The following GHR variants were observed in gnomAD, a reference collection of about 807,000 sequenced individuals.
The protein encoded by GHR is GH receptor.
Under a neutral mutation model 67.1 loss-of-function variants are expected in GHR, and 35 were observed. The ratio of observed to expected loss-of-function variants is 0.52; its 90% CI spans 0.40 to 0.69. GHR has a LOEUF of 0.69. Ranked by LOEUF, GHR falls within the 30% of genes least tolerant of loss-of-function variation. GHR has a pLI of 0.00. For missense variants in GHR, 792 were observed against 764.6 expected (o/e 1.04, Z -0.42); for synonymous variants, 272 against 269.1 (o/e 1.01, Z -0.10).
At chr5:42,675,093 G>A (rs542034112) in intron 3 of GHR, among the ~76,000 whole-genome samples, 1 of 152,102 alleles carries the variant, frequency 6.6e-6, no homozygotes, top group Admixed American at 6.5e-5. Flanking sequence ...ACTGAATTTA[G>A]TGCTAATTGT....
chr5:42,663,508 A>AG (rs1346033211), intron 3 of GHR, among the ~76,000 whole-genome samples: 1 of 152,224 alleles, frequency 6.6e-6, no homozygotes, highest in Non-Finnish European at 1.5e-5. Flanking sequence ...TGATTATCTC[A>AG]ATAGATGCAG....
intron 1 of GHR, among the ~76,000 whole-genome samples, chr5:42,546,100 A>G (rs918704745): frequency 2.0e-5 from 3 of 152,176 alleles, no homozygotes; most frequent in Non-Finnish European, 4.4e-5. Flanking sequence ...GTGTTCAGGT[A>G]TATTTCCTTT....
At chr5:42,455,602 A>G (rs937657506) in intron 1 of GHR, among the ~76,000 whole-genome samples, 4 of 152,202 alleles carry the variant, frequency 2.6e-5, no homozygotes, top group African/African-American at 9.6e-5. Flanking sequence ...GTGATTCATT[A>G]ACCAAGTATT....
At chr5:42,463,135 G>A (rs968541719) in intron 1 of GHR, among the ~76,000 whole-genome samples, 1 of 152,070 alleles carries the variant, frequency 6.6e-6, no homozygotes, top group African/African-American at 2.4e-5. Context: ...CTATGTAATA[G>A]TGTTTTATTT....
At chr5:42,529,930 G>C (rs923506026) in intron 1 of GHR, among the ~76,000 whole-genome samples, 1 of 145,606 alleles carries the variant, frequency 6.9e-6, no homozygotes, top group East Asian at 2.1e-4. Flanking sequence ...GCACTAAAGA[G>C]AAATAGAATG....
At chr5:42,591,638 C>G (rs948506325) in intron 2 of GHR, among the ~76,000 whole-genome samples, 5 of 152,032 alleles carry the variant, frequency 3.3e-5, no homozygotes, top group African/African-American at 1.2e-4. Context: ...GAGGGTCTAC[C>G]TCCCCTGTCT....
rs185001107 is a variant in GHR, at chr5:42,544,238, C to T, written c.-11-21626C>T. On this transcript the variant is annotated intron_variant, in intron 1 of 9. Transcript: ENST00000230882. ...AGAAAGAAAAAGGGGATCCAGCAAG[C>T]GTGAGAAGACATACTTAGATAATTC... is the stretch of plus-strand genomic sequence containing the variant. Among the ~76,000 whole-genome samples, 341 of 152,174 alleles carry T rather than the reference C, an allele frequency of 2.2e-3. 1 individual carries two copies. The highest frequency in any genetic ancestry group is 8.0e-3 in the African/African-American group (331 of 41,518).
chr5:42,640,595 A>G (rs990818660), intron 3 of GHR, among the ~76,000 whole-genome samples: 19 of 152,194 alleles, frequency 1.2e-4, no homozygotes, highest in African/African-American at 4.3e-4. Flanking sequence ...ATTTTTCTGG[A>G]AGGATAAGAA....
chr5:42,626,350 G>A (rs897215114), intron 2 of GHR, among the ~76,000 whole-genome samples: 13 of 152,188 alleles, frequency 8.5e-5, no homozygotes, highest in South Asian at 4.2e-4. Context: ...CTCCCCCTCC[G>A]GTTTGATAAT....
At chr5:42,693,831 T>C (rs1207476105) in intron 4 of GHR, among the ~76,000 whole-genome samples, 1 of 152,202 alleles carries the variant, frequency 6.6e-6, no homozygotes, top group African/African-American at 2.4e-5. Flanking sequence ...ACAGATTACA[T>C]GGTTTTATGT....
Position 42,518,632 on chromosome 5 carries a change from ACTCT to A in GHR, c.-11-47223_-11-47220del, listed in dbSNP as rs545280450. Among the ~76,000 whole-genome samples, 675 of 151,650 alleles carry A rather than the reference ACTCT, an allele frequency of 4.5e-3. 4 individuals carry two copies. The highest frequency in any genetic ancestry group is 0.016 in the African/African-American group (651 of 41,372). ...TTCAGAGTTAGCGAGCATTTGGATC[ACTCT>A]CTCTCTCTGCCTCAGTATGAGTGGA... On this transcript the variant is annotated intron_variant, in intron 1 of 9. Transcript: ENST00000230882.
At chr5:42,481,027 G>A (rs996366151) in intron 1 of GHR, among the ~76,000 whole-genome samples, 56 of 151,404 alleles carry the variant, frequency 3.7e-4, no homozygotes, top group African/African-American at 1.2e-3. Flanking sequence ...GGCTGGTACC[G>A]GTTGTTCCTT....
At chr5:42,617,289 G>A (rs952390641) in intron 2 of GHR, among the ~76,000 whole-genome samples, 4 of 151,446 alleles carry the variant, frequency 2.6e-5, no homozygotes, top group Admixed American at 2.0e-4. Flanking sequence ...TTAGGGCAAG[G>A]GGCTAATAGC....
chr5:42,479,519 C>T (rs1435560179), intron 1 of GHR, among the ~76,000 whole-genome samples: 3 of 152,058 alleles, frequency 2.0e-5, no homozygotes, highest in Non-Finnish European at 4.4e-5. Context: ...TGGTCCTGGA[C>T]TTTTTTTGGT....
intron 3 of GHR, among the ~76,000 whole-genome samples, chr5:42,655,322 G>T (rs983147054): frequency 6.6e-6 from 1 of 152,106 alleles, no homozygotes; most frequent in Non-Finnish European, 1.5e-5. Flanking sequence ...TTGGAGAGCT[G>T]TAAGAGGATA....
At chr5:42,550,525 T>C (rs1488480944) in intron 1 of GHR, among the ~76,000 whole-genome samples, 6 of 152,214 alleles carry the variant, frequency 3.9e-5, no homozygotes, top group Admixed American at 2.6e-4. Context: ...CTAGTGAACA[T>C]GGAAAATAAT....
At chr5:42,664,845 T>C (rs906141436) in intron 3 of GHR, among the ~76,000 whole-genome samples, 1 of 152,094 alleles carries the variant, frequency 6.6e-6, no homozygotes, top group African/African-American at 2.4e-5. Flanking sequence ...AACCTACTCA[T>C]CTGACAAAGG....
intron 2 of GHR, among the ~76,000 whole-genome samples, chr5:42,594,096 G>GT (rs1344145688): frequency 1.3e-5 from 2 of 152,016 alleles, no homozygotes; most frequent in Non-Finnish European, 2.9e-5. Context: ...CACGAATTTT[G>GT]TCAACAGTTT....
At chr5:42,608,570 G>A (rs983699376) in intron 2 of GHR, among the ~76,000 whole-genome samples, 5 of 152,044 alleles carry the variant, frequency 3.3e-5, no homozygotes, top group African/African-American at 1.2e-4. Flanking sequence ...TGGTCAAAAT[G>A]TAAAATATAT....
Sources: gnomAD v4.1 joint callset for allele counts (sites outside exome capture counted in the v4.1 genomes callset) on GRCh38, gnomAD v4.1.1 for gene constraint, MANE v1.5 for transcripts, NCBI Gene and HGNC (gene_info 2026-07-23, HGNC 2026-07-21) for gene names.